Variants in CSTPP1 observed in about 807,000 individuals in gnomAD.
CSTPP1 encodes the protein centriolar satellite-associated tubulin polyglutamylase complex regulator 1.
chr11:47,145,282 G>A, the CSTPP1 span, among the ~76,000 whole-genome samples: 3 of 151,922 alleles, frequency 2.0e-5, no homozygotes, highest in Admixed American at 6.6e-5. Flanking sequence ...CACCGCACCC[G>A]GCTGTATTGC....
At chr11:47,156,938 G>A in the CSTPP1 span, 1 of 1,424,124 alleles carries the variant, frequency 7.0e-7, no homozygotes, top group Non-Finnish European at 9.6e-7. Flanking sequence ...TGGGCTGACA[G>A]AGAAGGGAAG....
the CSTPP1 span, among the ~76,000 whole-genome samples, chr11:47,008,061 G>A: frequency 1.4e-4 from 21 of 151,874 alleles, no homozygotes; most frequent in African/African-American, 3.1e-4. Context: ...TCTGCCTCCC[G>A]GGTTCAAGTG....
chr11:47,080,775 G>A, the CSTPP1 span, among the ~76,000 whole-genome samples: 2 of 152,050 alleles, frequency 1.3e-5, no homozygotes, highest in African/African-American at 2.4e-5. Flanking sequence ...TTGGGAGGCC[G>A]AGGCAGGCAG....
the CSTPP1 span, chr11:47,157,245 C>T: frequency 1.0e-5 from 16 of 1,532,562 alleles, no homozygotes; most frequent in Non-Finnish European, 1.3e-5. Flanking sequence ...CAGCCCCCAG[C>T]CCCCCAGCCC....
the CSTPP1 span, among the ~76,000 whole-genome samples, chr11:47,030,125 T>TCAAAA: frequency 7.2e-5 from 11 of 151,946 alleles, no homozygotes; most frequent in East Asian, 3.9e-4. Context: ...AGACCCTGCC[T>TCAAAA]CAAAACAAAA....
the CSTPP1 span, among the ~76,000 whole-genome samples, chr11:47,047,212 T>C: frequency 6.6e-6 from 1 of 152,186 alleles, no homozygotes; most frequent in Non-Finnish European, 1.5e-5. Flanking sequence ...TTCAACAAAA[T>C]TTCTATCAAA....
chr11:47,038,541 G>A, the CSTPP1 span, among the ~76,000 whole-genome samples: 1 of 102,746 alleles, frequency 9.7e-6, no homozygotes, highest in African/African-American at 2.9e-5. Context: ...GGGCAGAGGC[G>A]CCCCTCACCT....
the CSTPP1 span, chr11:47,160,794 A>G: frequency 6.0e-6 from 2 of 335,420 alleles, no homozygotes; most frequent in Non-Finnish European, 1.1e-5. Flanking sequence ...TATCCTTTTC[A>G]GCCCAGTACC....
At chr11:47,060,258 C>CTTTTTTT in the CSTPP1 span, among the ~76,000 whole-genome samples, 62 of 99,038 alleles carry the variant, frequency 6.3e-4, no homozygotes, top group East Asian at 1.3e-3. Context: ...CTTTTCTTTT[C>CTTTTTTT]TTTTTTTTTT....
chr11:46,978,454 A>C, the CSTPP1 span, among the ~76,000 whole-genome samples: 1 of 152,192 alleles, frequency 6.6e-6, no homozygotes, highest in Admixed American at 6.5e-5. Flanking sequence ...ACAGATCCAA[A>C]GTATGTTTTT....
At chr11:47,030,348 G>A in the CSTPP1 span, among the ~76,000 whole-genome samples, 1 of 152,172 alleles carries the variant, frequency 6.6e-6, no homozygotes, top group African/African-American at 2.4e-5. Flanking sequence ...AGCACCTGGA[G>A]GACATAGAGT....
At chr11:47,086,244 A>C in the CSTPP1 span, among the ~76,000 whole-genome samples, 8 of 147,558 alleles carry the variant, frequency 5.4e-5, no homozygotes, top group African/African-American at 1.5e-4. Flanking sequence ...CAAAAAAAAA[A>C]AAAAAAAAAA....
chr11:47,128,173 C>T, the CSTPP1 span, among the ~76,000 whole-genome samples: 1 of 152,144 alleles, frequency 6.6e-6, no homozygotes, highest in African/African-American at 2.4e-5. Context: ...CCATGCCCAG[C>T]CTTAGCCTGT....
the CSTPP1 span, among the ~76,000 whole-genome samples, chr11:46,989,450 T>C: frequency 1.3e-5 from 2 of 152,036 alleles, no homozygotes; most frequent in Non-Finnish European, 2.9e-5. Context: ...GTATGTACTA[T>C]CATGCTCAGC....
chr11:47,096,950 G>C, the CSTPP1 span, among the ~76,000 whole-genome samples: 1 of 152,246 alleles, frequency 6.6e-6, no homozygotes, highest in Admixed American at 6.5e-5. Flanking sequence ...CTGTCCACAA[G>C]ATTGAGTACT....
the CSTPP1 span, among the ~76,000 whole-genome samples, chr11:47,039,104 G>C: frequency 0.019 from 2,408 of 126,810 alleles, 209 homozygotes; most frequent in African/African-American, 0.057. Context: ...ACGGGGTGGC[G>C]GCCGGGCAGA....
chr11:47,047,827 C>T, the CSTPP1 span, among the ~76,000 whole-genome samples: 1 of 152,118 alleles, frequency 6.6e-6, no homozygotes, highest in Admixed American at 6.5e-5. Context: ...AACAAAACAA[C>T]CCAATTTAAA....
the CSTPP1 span, among the ~76,000 whole-genome samples, chr11:46,955,883 G>GGAGGCT: frequency 6.6e-6 from 1 of 151,774 alleles, no homozygotes; most frequent in Non-Finnish European, 1.5e-5. Context: ...CAGCTACTCA[G>GGAGGCT]GAGGCTGAGG....
At chr11:47,144,080 T>A in the CSTPP1 span, among the ~76,000 whole-genome samples, 1 of 152,194 alleles carries the variant, frequency 6.6e-6, no homozygotes, top group Non-Finnish European at 1.5e-5. Context: ...TTTATATCTG[T>A]AAAATGGGGA....
Sources: allele counts gnomAD v4.1 joint callset (sites outside exome capture counted in the v4.1 genomes callset), GRCh38; gene constraint gnomAD v4.1.1; transcripts MANE v1.5; gene names NCBI Gene and HGNC (gene_info 2026-07-23, HGNC 2026-07-21).